NRXN2: variants seen among roughly 807,000 people sequenced by gnomAD.
NRXN2 encodes neurexin-2-beta.
A neutral mutation model predicts 128.8 loss-of-function variants in NRXN2; 29 were observed. That is an observed-to-expected ratio of 0.23 (90% CI 0.17 to 0.31). The LOEUF is 0.31. Ranked by LOEUF, NRXN2 falls within the 10% of genes least tolerant of loss-of-function variation. The pLI is 1.00. For missense variants in NRXN2, 1,881 were observed against 2,452.6 expected (o/e 0.77, Z 4.92); for synonymous variants, 1,098 against 1,075.2 (o/e 1.02, Z -0.41).
At chr11:64,692,923 A>G in intron 3 of NRXN2, 47 bp from the exon 4 acceptor site, 1 of 1,515,094 alleles carries the variant, frequency 6.6e-7, no homozygotes, top group African/African-American at 1.4e-5. Flanking sequence ...AAAGAAGAAG[A>G]AAAAAGAAAG....
At position 64,660,619 on chromosome 11, in the gene NRXN2, C is replaced by T. The variant is rs1011882613; in HGVS notation, c.2186-84G>A. Reference sequence around the variant, plus strand: ...GAAGACCAGAGAATCATTACAAGGGCGAAAAGCCTAGGGCAGGTCTATGAG... The same window carrying T: ...GAAGACCAGAGAATCATTACAAGGGTGAAAAGCCTAGGGCAGGTCTATGAG... On this transcript the variant is annotated intron_variant, in intron 10 of 22. Coordinates refer to ENST00000265459, the MANE Select transcript of NRXN2 (RefSeq NM_015080.4). This position sits in a 1 kb window ranked among gnomAD's most constrained non-coding sequence, Gnocchi z 5.2. The T allele has an allele frequency of 5.4e-5, 86 of 1,590,834 alleles. No individual in the cohort carries two copies. Among genetic ancestry groups the T allele is most frequent in the African/African-American group, 1.5e-4 (11 of 74,468 alleles).
chr11:64,646,780 A>G (rs1288400894), intron 17 of NRXN2, among the ~76,000 whole-genome samples: 1 of 147,234 alleles, frequency 6.8e-6, no homozygotes, highest in Non-Finnish European at 1.5e-5. Context: ...GAAGAGGTCC[A>G]GCCACAGCCA....
chr11:64,639,204 T>C (rs901896332), intron 17 of NRXN2, among the ~76,000 whole-genome samples: 9 of 152,296 alleles, frequency 5.9e-5, no homozygotes, highest in Non-Finnish European at 1.2e-4. Context: ...ACCAGCGCTT[T>C]GTACATGAAC....
chr11:64,683,160 ACTCTATC>A (rs1194414417), intron 6 of NRXN2, among the ~76,000 whole-genome samples: 3 of 152,068 alleles, frequency 2.0e-5, no homozygotes, highest in African/African-American at 7.2e-5. Context: ...AGATCCTGGC[ACTCTATC>A]CTGTAAAGCT....
intron 7 of NRXN2, among the ~76,000 whole-genome samples, chr11:64,673,688 T>TTGTG (rs3080431): frequency 2.5e-4 from 38 of 151,412 alleles, no homozygotes; most frequent in South Asian, 1.9e-3. Context: ...TTTGTTTTGT[T>TTGTG]TGTGTGTGTG....
intron 7 of NRXN2, among the ~76,000 whole-genome samples, chr11:64,674,193 GTTTT>G (rs2051001738): frequency 6.6e-6 from 1 of 151,394 alleles, no homozygotes; most frequent in African/African-American, 2.4e-5. Flanking sequence ...TTTTTTGTTT[GTTTT>G]GTTTTGTTTG....
At chr11:64,647,701 C>T (rs2046905092) in intron 17 of NRXN2, among the ~76,000 whole-genome samples, 1 of 152,222 alleles carries the variant, frequency 6.6e-6, no homozygotes, top group African/African-American at 2.4e-5. Context: ...GCAGCCTGGC[C>T]TCCTGGAAGC....
chr11:64,652,926 C>T (rs2047681809), intron 12 of NRXN2, among the ~76,000 whole-genome samples: 1 of 151,956 alleles, frequency 6.6e-6, no homozygotes, highest in South Asian at 2.1e-4. Context: ...TCATCCCTGC[C>T]CCCCCACCCC....
intron 5 of NRXN2, chr11:64,688,896 G>T: frequency 1.3e-6 from 1 of 780,154 alleles, no homozygotes; most frequent in Non-Finnish European, 1.6e-6. Flanking sequence ...GAGCTCTACA[G>T]CTGTCTGTTC....
chr11:64,702,238 C>G (rs2055570004), intron 2 of NRXN2, among the ~76,000 whole-genome samples: 1 of 151,870 alleles, frequency 6.6e-6, no homozygotes, highest in African/African-American at 2.4e-5. Flanking sequence ...GCGCCTCTGC[C>G]CGGCCGCCCC....
chr11:64,688,597 T>C, intron 5 of NRXN2: 1 of 985,342 alleles, frequency 1.0e-6, no homozygotes, highest in Non-Finnish European at 1.2e-6. Context: ...ATCTCGCCGG[T>C]CTGGCGCGAC....
chr11:64,627,877 G>A (rs1041601158), intron 19 of NRXN2, among the ~76,000 whole-genome samples: 1 of 152,182 alleles, frequency 6.6e-6, no homozygotes, highest in Non-Finnish European at 1.5e-5. Flanking sequence ...CTGCACAGCT[G>A]TGCTCACCTG....
rs1565489075 is a variant in NRXN2 at position 64,719,533 on chromosome 11, C to T, written c.-245+3438G>A. Reference sequence around the variant, plus strand: ...CTGTGTCATGGAGAGAAGCATGGAGCGGGCTGGGCCCAGGAGCTGGTAGCT... The same window carrying T: ...CTGTGTCATGGAGAGAAGCATGGAGTGGGCTGGGCCCAGGAGCTGGTAGCT... On this transcript the variant is annotated intron_variant, in intron 1 of 22. Transcript: ENST00000265459. Among the ~76,000 whole-genome samples, 6 of 152,218 alleles carry T rather than the reference C, an allele frequency of 3.9e-5. No homozygotes were observed. In the South Asian group the frequency reaches 1.2e-3, roughly 32 times the overall value.
Position 64,630,345 on chromosome 11 carries a change from TCA to T in NRXN2, c.3757+55_3757+56del, listed in dbSNP as rs2043711433. ...CCGCCCCGGTGCGGCCGCACTCCTATCAGAGGCCGCCACCCGCCCCGCCACCG... is the reference window on the plus strand; with the variant it reads ...CCGCCCCGGTGCGGCCGCACTCCTATGAGGCCGCCACCCGCCCCGCCACCG... On this transcript the variant is annotated intron_variant, in intron 19 of 22. Coordinates refer to ENST00000265459, the MANE Select transcript of NRXN2 (RefSeq NM_015080.4). The surrounding 1 kb of genome is among the most constrained non-coding windows in gnomAD (Gnocchi z 4.6). The T allele has an allele frequency of 7.0e-7, 1 of 1,428,936 alleles. No individual in the cohort carries two copies. The highest frequency in any genetic ancestry group is 1.2e-5 in the South Asian group (1 of 85,188). 88.5% of individuals were successfully genotyped at this position (1,428,936 alleles called of 1,614,324 possible).
chr11:64,696,528 T>TACACACACACACAC (rs58158687), intron 3 of NRXN2, among the ~76,000 whole-genome samples: 208 of 138,854 alleles, frequency 1.5e-3, no homozygotes, highest in East Asian at 0.012. Flanking sequence ...CATACATACA[T>TACACACACACACAC]ACACACACAC....
intron 19 of NRXN2, among the ~76,000 whole-genome samples, chr11:64,629,134 C>T (rs1266345893): frequency 1.3e-5 from 2 of 152,190 alleles, no homozygotes; most frequent in Non-Finnish European, 2.9e-5. Context: ...GGCCTTTTGC[C>T]CCTGCCCCTC....
In NRXN2 at chr11:64,651,768, C is replaced by T; in HGVS notation, c.2537-132G>A. 1 of 1,087,714 alleles carries T rather than the reference C, an allele frequency of 9.2e-7. No homozygotes were observed. Among genetic ancestry groups the T allele is most frequent in the Non-Finnish European group, 1.3e-6 (1 of 747,142 alleles). 67.4% of individuals were successfully genotyped at this position (1,087,714 alleles called of 1,614,324 possible). A position where few individuals can be genotyped will look rare whatever the true frequency, so the allele number is the denominator to read the frequency against. On this transcript the variant is annotated intron_variant, in intron 13 of 22. Transcript: ENST00000265459. The surrounding 1 kb of genome is among the most constrained non-coding windows in gnomAD (Gnocchi z 5.9). ...CTTTAGAGATGTCCTCGGCTAGGCA[C>T]TAGCAGCCAGCACAGCTCCAAGAGG... is the stretch of plus-strand genomic sequence containing the variant.
At position 64,699,430 on chromosome 11, in the gene NRXN2, T is replaced by TTTTC. The variant is rs1391728463; in HGVS notation, c.731-1639_731-1638insGAAA. 6.0e-5 allele frequency among the ~76,000 whole-genome samples: 8 copies of TTTTC among 132,496 alleles called. 1 individual carries two copies. The highest frequency in any genetic ancestry group is 9.6e-5 in the Non-Finnish European group (6 of 62,330). 86.9% of individuals were successfully genotyped at this position (132,496 alleles called of 152,430 possible). On this transcript the variant is annotated intron_variant, in intron 2 of 22. Coordinates refer to ENST00000265459, the MANE Select transcript of NRXN2 (RefSeq NM_015080.4). ...GATACATGTCTAATAGTTTTCTTTT[T>TTTTC]TTTTTTTTTTTTTTTTTGAGATGGA... is the stretch of plus-strand genomic sequence containing the variant.
At chr11:64,706,146 TA>T (rs1555109909) in intron 2 of NRXN2, among the ~76,000 whole-genome samples, 2 of 12,880 alleles carry the variant, frequency 1.6e-4, no homozygotes, top group Non-Finnish European at 2.5e-4. Context: ...ATTATATATA[TA>T]AAGTATATAT....
Sources: gnomAD v4.1 joint callset for allele counts (sites outside exome capture counted in the v4.1 genomes callset) on GRCh38, gnomAD v4.1.1 for gene constraint, Gnocchi (gnomAD v3.1) non-coding constraint, MANE v1.5 for transcripts, NCBI Gene and HGNC (gene_info 2026-07-23, HGNC 2026-07-21) for gene names.